The following RAP1GAP2 variants were observed in gnomAD, a reference collection of about 807,000 sequenced individuals.
RAP1GAP2 encodes the protein rap1 GTPase-activating protein 2.
In RAP1GAP2, 27 loss-of-function variants were observed where a neutral mutation model predicts 95.0. That is an observed-to-expected ratio of 0.28 (90% CI 0.21 to 0.39). RAP1GAP2 has a LOEUF of 0.39. Among genes scored for constraint, RAP1GAP2 ranks in the 10% least tolerant of loss-of-function variants. The pLI, the probability that RAP1GAP2 is intolerant of heterozygous loss-of-function variation, is 1.00. For missense variants in RAP1GAP2, 771 were observed against 970.0 expected (o/e 0.79, Z 2.72); for synonymous variants, 373 against 380.9 (o/e 0.98, Z 0.24).
chr17:2,871,515 G>A lies in RAP1GAP2; in HGVS notation c.81-33769G>A, dbSNP rs2072846019. On this transcript the variant is annotated intron_variant, in intron 2 of 24. Coordinates refer to ENST00000254695, the MANE Select transcript of RAP1GAP2 (RefSeq NM_015085.5). The surrounding 1 kb of genome is among the most constrained non-coding windows in gnomAD (Gnocchi z 5.0). ...GGGCAGTTCCCTAAAGCAGAGGTGGGGAGCTTCATTACAGAGGAGGGAGAG... is the reference window on the plus strand; with the variant it reads ...GGGCAGTTCCCTAAAGCAGAGGTGGAGAGCTTCATTACAGAGGAGGGAGAG... Among the ~76,000 whole-genome samples the A allele has an allele frequency of 6.6e-6, 1 of 152,176 alleles. No homozygotes were observed. The highest frequency in any genetic ancestry group is 2.4e-5 in the African/African-American group (1 of 41,436).
At chr17:2,932,291 T>A (rs1191593221) in intron 3 of RAP1GAP2, among the ~76,000 whole-genome samples, 2 of 152,030 alleles carry the variant, frequency 1.3e-5, no homozygotes, top group Non-Finnish European at 1.5e-5. Context: ...AGCGGCCAAG[T>A]TCTGGAGCAG....
chr17:2,969,179 C>CTATA lies in RAP1GAP2; in HGVS notation c.596+3548_596+3551dup, dbSNP rs769314712. On this transcript the variant is annotated intron_variant, in intron 8 of 24. Coordinates refer to ENST00000254695, the MANE Select transcript of RAP1GAP2 (RefSeq NM_015085.5). ...TATTTTTCTTTATCTATCTATCTAT[C>CTATA]TATATATATATATATCTGTTTCTGT... 2.8e-3 allele frequency among the ~76,000 whole-genome samples: 396 copies of CTATA among 143,224 alleles called. 1 individual carries two copies. The highest frequency in any genetic ancestry group is 9.2e-3 in the African/African-American group (371 of 40,236). 94.0% of individuals were successfully genotyped at this position (143,224 alleles called of 152,430 possible). A position where few individuals can be genotyped will look rare whatever the true frequency, so the allele number is the denominator to read the frequency against.
chr17:2,931,280 T>TTGTGTGTGTGTGTGTGTGTGTG (rs34690298), intron 3 of RAP1GAP2, among the ~76,000 whole-genome samples: 33 of 146,756 alleles, frequency 2.2e-4, no homozygotes, highest in African/African-American at 8.5e-4. Context: ...TGAGTGTTTC[T>TTGTGTGTGTGTGTGTGTGTGTG]TGTGTGTGTG....
chr17:2,769,387 G>C (rs1389857616), intron 1 of RAP1GAP2, among the ~76,000 whole-genome samples: 9 of 150,520 alleles, frequency 6.0e-5, no homozygotes, highest in East Asian at 2.0e-4. Flanking sequence ...AACCCCGTCT[G>C]TACTAAAAAT....
intron 2 of RAP1GAP2, among the ~76,000 whole-genome samples, chr17:2,861,522 C>T (rs1281227144): frequency 2.7e-5 from 4 of 149,094 alleles, no homozygotes; most frequent in Admixed American, 6.7e-5. Context: ...GGCTGGAGTG[C>T]AATGGCGTGA....
chr17:2,875,811 G>A (rs944340511), intron 2 of RAP1GAP2, among the ~76,000 whole-genome samples: 6 of 151,772 alleles, frequency 4.0e-5, no homozygotes, highest in Non-Finnish European at 8.8e-5. Context: ...GGTGATCTCC[G>A]CTTGGACATC....
At chr17:2,969,625 C>T (rs2044771488) in intron 8 of RAP1GAP2, among the ~76,000 whole-genome samples, 1 of 151,060 alleles carries the variant, frequency 6.6e-6, no homozygotes, top group African/African-American at 2.4e-5. Flanking sequence ...CCTCAGCCTC[C>T]CAAGTAGCTG....
intron 2 of RAP1GAP2, among the ~76,000 whole-genome samples, chr17:2,771,571 G>A (rs2068399259): frequency 7.0e-6 from 1 of 142,880 alleles, no homozygotes; most frequent in South Asian, 2.3e-4. Context: ...TTGGCTCACT[G>A]CAACCTCCGC....
chr17:2,773,906 C>T (rs1374938953), upstream of RAP1GAP2, among the ~76,000 whole-genome samples: 2 of 151,890 alleles, frequency 1.3e-5, no homozygotes, highest in Non-Finnish European at 2.9e-5. Context: ...TACAGGTGCC[C>T]GCCACGATGC....
Position 2,770,501 on chromosome 17 carries a change from C to T in RAP1GAP2, c.167+56C>T, listed in dbSNP as rs373205916. ...TTCTTTGGCCTCGGCCCAGGCCTCT[C>T]AGCTGGTACTTAGGAAGTGAGCTCC... is the stretch of plus-strand genomic sequence containing the variant. On this transcript the variant is annotated intron_variant, in intron 2 of 25. Coordinates refer to the RAP1GAP2 transcript ENST00000637138. 19 of 398,500 alleles carry T rather than the reference C, an allele frequency of 4.8e-5. No homozygotes were observed. The South Asian group carries it at 6.4e-4, about 13-fold the overall frequency. 24.7% of individuals were successfully genotyped at this position (398,500 alleles called of 1,614,324 possible). A position where few individuals can be genotyped will look rare whatever the true frequency, so the allele number is the denominator to read the frequency against.
intron 1 of RAP1GAP2, among the ~76,000 whole-genome samples, chr17:2,799,231 C>T (rs1055560061): frequency 2.6e-5 from 4 of 152,120 alleles, no homozygotes; most frequent in East Asian, 3.9e-4. Flanking sequence ...CACCCCAGAG[C>T]GGGTGGGGAT....
At position 2,797,972 on chromosome 17, in the gene RAP1GAP2, G is replaced by C. The variant is rs2069143185; in HGVS notation, c.44+1401G>C. ...AGAAAGCTCCGGGTGCACAGGTCCCGGTCTCAGCCTAGCTTCATTCCATAT... is the reference window on the plus strand; with the variant it reads ...AGAAAGCTCCGGGTGCACAGGTCCCCGTCTCAGCCTAGCTTCATTCCATAT... On this transcript the variant is annotated intron_variant, in intron 1 of 24. Coordinates refer to ENST00000254695, the MANE Select transcript of RAP1GAP2 (RefSeq NM_015085.5). The surrounding 1 kb of genome is among the most constrained non-coding windows in gnomAD (Gnocchi z 5.6). Among the ~76,000 whole-genome samples, 1 of 152,164 alleles carries C rather than the reference G, an allele frequency of 6.6e-6. No homozygotes were observed. The highest frequency in any genetic ancestry group is 1.5e-5 in the Non-Finnish European group (1 of 68,034).
Position 2,963,791 on chromosome 17 carries a change from C to A in RAP1GAP2, c.280-65C>A. On this transcript the variant is annotated intron_variant, in intron 6 of 24. Coordinates refer to ENST00000254695, the MANE Select transcript of RAP1GAP2 (RefSeq NM_015085.5). The surrounding 1 kb of genome is among the most constrained non-coding windows in gnomAD (Gnocchi z 4.8). The stretch of plus-strand genomic sequence containing the variant: ...TCCTGGGAGCAGCGCAGAGGGGACA[C>A]CGCCACCGGCCCCCTCCCTCCCCTG... 1 of 1,380,640 alleles carries A rather than the reference C, an allele frequency of 7.2e-7. No individual in the cohort carries two copies. Among genetic ancestry groups the A allele is most frequent in the Non-Finnish European group, 9.8e-7 (1 of 1,015,348 alleles). 85.5% of individuals were successfully genotyped at this position (1,380,640 alleles called of 1,614,324 possible).
At chr17:2,861,652 G>T (rs1037148062) in intron 2 of RAP1GAP2, among the ~76,000 whole-genome samples, 9 of 38,012 alleles carry the variant, frequency 2.4e-4, no homozygotes, top group South Asian at 1.9e-3. Flanking sequence ...ATTTTTTTTG[G>T]GGGGGGGGAC....
chr17:2,982,390 G>T (rs1451269340), intron 10 of RAP1GAP2, among the ~76,000 whole-genome samples: 1 of 152,150 alleles, frequency 6.6e-6, no homozygotes, highest in East Asian at 1.9e-4. Context: ...GCCCTCCTTG[G>T]CCTCCCAAAG....
intron 1 of RAP1GAP2, among the ~76,000 whole-genome samples, chr17:2,762,397 C>CTTTTTTTTTT (rs71150894): frequency 1.6e-5 from 2 of 124,208 alleles, no homozygotes; most frequent in Non-Finnish European, 3.4e-5. Flanking sequence ...TTTTTTCTTT[C>CTTTTTTTTTT]TTTTTTTTTT....
chr17:3,024,461 C>T (rs143700392), intron 19 of RAP1GAP2, among the ~76,000 whole-genome samples: 109 of 152,278 alleles, frequency 7.2e-4, no homozygotes, highest in African/African-American at 2.2e-3. Flanking sequence ...TAAAATAGTG[C>T]AACTACTTTG....
rs1235465065 is a variant in RAP1GAP2, at chr17:2,797,061, G to C, written c.44+490G>C. Among the ~76,000 whole-genome samples the C allele has an allele frequency of 6.6e-6, 1 of 152,120 alleles. No individual in the cohort carries two copies. Among genetic ancestry groups the C allele is most frequent in the Admixed American group, 6.6e-5 (1 of 15,266 alleles). On this transcript the variant is annotated intron_variant, in intron 1 of 24. Coordinates refer to ENST00000254695, the MANE Select transcript of RAP1GAP2 (RefSeq NM_015085.5). The surrounding 1 kb of genome is among the most constrained non-coding windows in gnomAD (Gnocchi z 5.6). The stretch of plus-strand genomic sequence containing the variant: ...GCCTTCTGTGTCTGTGTGTGCTTGT[G>C]TCTGCGTGTTTGTGTGTGTGATGCT...
chr17:2,824,177 G>A (rs1295958344), intron 2 of RAP1GAP2, among the ~76,000 whole-genome samples: 2 of 150,686 alleles, frequency 1.3e-5, no homozygotes, highest in African/African-American at 4.9e-5. Context: ...GCCAGGTGTG[G>A]TGGCTCACAC....
Sources: gnomAD v4.1 joint callset for allele counts (sites outside exome capture counted in the v4.1 genomes callset) on GRCh38, gnomAD v4.1.1 for gene constraint, Gnocchi (gnomAD v3.1) non-coding constraint, MANE v1.5 for transcripts, NCBI Gene and HGNC (gene_info 2026-07-23, HGNC 2026-07-21) for gene names.